SLIT2: variants seen among roughly 807,000 people sequenced by gnomAD.
The protein encoded by SLIT2 is slit homolog 2 protein.
In SLIT2, 41 loss-of-function variants were observed where a neutral mutation model predicts 185.7. The observed-to-expected ratio is 0.22, with a 90% CI of 0.17 to 0.29. The LOEUF (loss-of-function observed/expected upper bound fraction) is 0.29, where lower values mean the gene tolerates loss of function less well. SLIT2 is among the 10% of genes least tolerant of loss of function. SLIT2 has a pLI of 1.00. For missense variants in SLIT2, 1,571 were observed against 1,909.0 expected (o/e 0.82, Z 3.30); for synonymous variants, 693 against 680.2 (o/e 1.02, Z -0.29).
intron 4 of SLIT2, among the ~76,000 whole-genome samples, chr4:20,282,257 C>A (rs1714847622): frequency 6.6e-6 from 1 of 152,190 alleles, no homozygotes; most frequent in Admixed American, 6.5e-5. Flanking sequence ...AAAACAACAA[C>A]ATTACAGTCC....
At chr4:20,588,389 G>A (rs1727243462) in intron 29 of SLIT2, among the ~76,000 whole-genome samples, 1 of 152,126 alleles carries the variant, frequency 6.6e-6, no homozygotes, top group Non-Finnish European at 1.5e-5. Flanking sequence ...AACTAGCAGT[G>A]TATTATTTTA....
intron 4 of SLIT2, among the ~76,000 whole-genome samples, chr4:20,446,871 A>C (rs939476766): frequency 6.6e-6 from 1 of 152,234 alleles, no homozygotes; most frequent in Non-Finnish European, 1.5e-5. Context: ...TGTTGTAGCA[A>C]ATGAGATAAT....
At chr4:20,349,725 A>G (rs1721713245) in intron 4 of SLIT2, among the ~76,000 whole-genome samples, 1 of 152,138 alleles carries the variant, frequency 6.6e-6, no homozygotes, top group Admixed American at 6.5e-5. Flanking sequence ...TTCTTATTAG[A>G]CATCTTTGTA....
At chr4:20,576,750 C>T (rs556670766) in intron 29 of SLIT2, among the ~76,000 whole-genome samples, 1 of 152,234 alleles carries the variant, frequency 6.6e-6, no homozygotes, top group East Asian at 1.9e-4. Context: ...TTTTAAAGAT[C>T]TTGTTTGCTC....
chr4:20,519,309 G>A (rs1462603242), intron 11 of SLIT2, 73 bp from the exon 12 acceptor site: 5 of 773,914 alleles, frequency 6.5e-6, no homozygotes, highest in Non-Finnish European at 1.1e-5. Context: ...GTATGCCTGA[G>A]TAAATATGTA....
At chr4:20,581,142 A>G (rs1726529707) in intron 29 of SLIT2, among the ~76,000 whole-genome samples, 1 of 152,128 alleles carries the variant, frequency 6.6e-6, no homozygotes, top group African/African-American at 2.4e-5. Context: ...TAGAGGTCTG[A>G]AATCAAGGTG....
intron 9 of SLIT2, among the ~76,000 whole-genome samples, chr4:20,498,955 A>G (rs971342160): frequency 4.6e-5 from 7 of 152,190 alleles, no homozygotes; most frequent in Admixed American, 2.6e-4. Context: ...AGGTCAAATA[A>G]TAGTTTTATT....
At chr4:20,419,283 A>G (rs1308705438) in intron 4 of SLIT2, among the ~76,000 whole-genome samples, 1 of 152,180 alleles carries the variant, frequency 6.6e-6, no homozygotes, top group Non-Finnish European at 1.5e-5. Context: ...TATAATTTTT[A>G]TACATTTAAA....
At chr4:20,600,150 T>C (rs181400792) in intron 33 of SLIT2, among the ~76,000 whole-genome samples, 4 of 152,176 alleles carry the variant, frequency 2.6e-5, no homozygotes, top group Non-Finnish European at 5.9e-5. Context: ...TCATTTTTTT[T>C]AATTTTTTTT....
intron 14 of SLIT2, 61 bp from the exon 15 acceptor site, chr4:20,525,088 C>T (rs937745260): frequency 7.4e-6 from 9 of 1,215,582 alleles, no homozygotes; most frequent in Admixed American, 6.8e-5. Context: ...TAATATAACT[C>T]ATATCTCTGC....
chr4:20,472,489 TATAGATATATATCTATATATAG>T (rs1715467534), intron 5 of SLIT2, among the ~76,000 whole-genome samples: 2 of 21,774 alleles, frequency 9.2e-5, no homozygotes, highest in South Asian at 2.3e-3. Context: ...TATATCTATA[TATAGATATATATCTATATATAG>T]ATAGATATAT....
intron 4 of SLIT2, chr4:20,393,217 ATAAT>A (rs1265976668): frequency 6.6e-6 from 1 of 152,086 alleles, no homozygotes; most frequent in East Asian, 1.9e-4. Context: ...TAACTGTATG[ATAAT>A]TAAAGATACA....
rs550208954 is a variant in SLIT2, at chr4:20,580,450, G to C, written c.3089-9194G>C. Among the ~76,000 whole-genome samples the C allele has an allele frequency of 9.2e-4, 139 of 151,376 alleles. 3 individuals are homozygous for C. The South Asian group carries it at 0.028, about 31-fold the overall frequency. On this transcript the variant is annotated intron_variant, in intron 29 of 36. Transcript: ENST00000504154. ...GTGTGTGTGTGTATGCACATAAGTA[G>C]TTAATAATTGCAGCTGTTAAAGTTC...
intron 30 of SLIT2, among the ~76,000 whole-genome samples, chr4:20,593,400 C>A (rs1003140509): frequency 6.6e-6 from 1 of 151,996 alleles, no homozygotes; most frequent in Non-Finnish European, 1.5e-5. Flanking sequence ...ACCGGATGAT[C>A]TCACCTATAT....
intron 4 of SLIT2, among the ~76,000 whole-genome samples, chr4:20,346,878 A>G (rs550555662): frequency 5.8e-4 from 88 of 152,294 alleles, no homozygotes; most frequent in South Asian, 5.0e-3. Context: ...TGGTCCTTCC[A>G]CGTTCTTCTG....
chr4:20,421,948 G>C (rs1331168508), intron 4 of SLIT2, among the ~76,000 whole-genome samples: 1 of 152,092 alleles, frequency 6.6e-6, no homozygotes, highest in African/African-American at 2.4e-5. Context: ...GGATCTACAG[G>C]AATTGTTTCC....
chr4:20,417,730 G>A (rs1351418775), intron 4 of SLIT2, among the ~76,000 whole-genome samples: 1 of 151,658 alleles, frequency 6.6e-6, no homozygotes, highest in African/African-American at 2.4e-5. Flanking sequence ...ATGTTGGCCA[G>A]GATGGTCTCG....
intron 4 of SLIT2, among the ~76,000 whole-genome samples, chr4:20,278,529 G>C (rs16869475): frequency 2.0e-5 from 3 of 151,650 alleles, no homozygotes; most frequent in African/African-American, 7.3e-5. Flanking sequence ...TTTCTACCCA[G>C]CCTCTTGTCA....
intron 3 of SLIT2, 98 bp downstream of exon 3, chr4:20,258,037 T>A (rs112995218): frequency 3.3e-6 from 2 of 611,666 alleles, no homozygotes; most frequent in East Asian, 5.8e-5. Flanking sequence ...GTCTTAGGGT[T>A]TGAAATTTTG....
Sources: gnomAD v4.1 joint callset for allele counts (sites outside exome capture counted in the v4.1 genomes callset) on GRCh38, gnomAD v4.1.1 for gene constraint, MANE v1.5 for transcripts, NCBI Gene and HGNC (gene_info 2026-07-23, HGNC 2026-07-21) for gene names.